The following OPCML variants were observed in gnomAD, a reference collection of about 807,000 sequenced individuals.
OPCML encodes opioid-binding protein/cell adhesion molecule.
In OPCML, 13 loss-of-function variants were observed where a neutral mutation model predicts 37.8. That is an observed-to-expected ratio of 0.34 (90% CI 0.22 to 0.55). OPCML has a LOEUF of 0.55. Among genes scored for constraint, OPCML ranks in the 20% least tolerant of loss-of-function variants. The pLI, the probability that OPCML is intolerant of heterozygous loss-of-function variation, is 0.91. For synonymous variants in OPCML, 176 were observed against 168.8 expected, an observed-to-expected ratio of 1.04 and a Z score of -0.33; for missense variants, 341 against 435.6, an observed-to-expected ratio of 0.78 and a Z score of 1.93.
At chr11:132,465,344 C>T (rs556498341) in intron 4 of OPCML, among the ~76,000 whole-genome samples, 1 of 152,256 alleles carries the variant, frequency 6.6e-6, no homozygotes, top group South Asian at 2.1e-4. Flanking sequence ...TGACCCTTTC[C>T]TTATTCACAA....
At chr11:133,428,630 C>T (rs1182449850) in intron 1 of OPCML, among the ~76,000 whole-genome samples, 1 of 152,012 alleles carries the variant, frequency 6.6e-6, no homozygotes, top group Non-Finnish European at 1.5e-5. Flanking sequence ...TTAAACAAGA[C>T]ACATGTAAGA....
intron 3 of OPCML, among the ~76,000 whole-genome samples, chr11:132,652,383 C>G (rs990272527): frequency 2.0e-5 from 3 of 150,192 alleles, no homozygotes; most frequent in African/African-American, 7.4e-5. Context: ...CACACACACA[C>G]ACAGAGAGAG....
intron 1 of OPCML, among the ~76,000 whole-genome samples, chr11:132,962,279 C>G (rs765734086): frequency 3.9e-5 from 6 of 152,230 alleles, no homozygotes; most frequent in African/African-American, 9.6e-5. Context: ...AGCACAGAAA[C>G]CAGCCCAATT....
At chr11:133,140,598 AAAG>A (rs1360539174) in intron 1 of OPCML, among the ~76,000 whole-genome samples, 2 of 148,028 alleles carry the variant, frequency 1.4e-5, no homozygotes, top group Non-Finnish European at 3.0e-5. Context: ...AAGAAAGAAG[AAAG>A]AAGAAAGAGA....
At chr11:132,625,506 G>T (rs1013297019) in intron 3 of OPCML, among the ~76,000 whole-genome samples, 1 of 152,128 alleles carries the variant, frequency 6.6e-6, no homozygotes, top group African/African-American at 2.4e-5. Flanking sequence ...TTATGCCTCT[G>T]CCAGAAACAG....
chr11:133,404,442 C>T (rs1945481079), intron 1 of OPCML, among the ~76,000 whole-genome samples: 1 of 152,212 alleles, frequency 6.6e-6, no homozygotes, highest in Admixed American at 6.5e-5. Flanking sequence ...ACACCGTGTG[C>T]CAGGCATGCC....
intron 4 of OPCML, among the ~76,000 whole-genome samples, chr11:132,509,108 G>A (rs1283968671): frequency 6.6e-6 from 1 of 152,146 alleles, no homozygotes; most frequent in Non-Finnish European, 1.5e-5. Flanking sequence ...TTGGGAAGTG[G>A]AGCAAAGGTG....
intron 2 of OPCML, among the ~76,000 whole-genome samples, chr11:132,852,620 A>AAG (rs756901337): frequency 2.0e-5 from 3 of 152,110 alleles, no homozygotes; most frequent in African/African-American, 7.2e-5. Flanking sequence ...AGAAAAAAAA[A>AAG]AGAGAGAGAG....
intron 1 of OPCML, among the ~76,000 whole-genome samples, chr11:133,013,682 G>T (rs1947263826): frequency 6.6e-6 from 1 of 152,168 alleles, no homozygotes; most frequent in Admixed American, 6.5e-5. Context: ...GTATAGTCAG[G>T]CTCTTCTGTA....
chr11:133,169,675 T>G (rs1317474467), intron 1 of OPCML, among the ~76,000 whole-genome samples: 2 of 152,148 alleles, frequency 1.3e-5, no homozygotes, highest in South Asian at 4.1e-4. Context: ...AGGTGACATA[T>G]TTTAATAGGG....
chr11:132,684,816 G>C (rs1943101112), intron 2 of OPCML, among the ~76,000 whole-genome samples: 1 of 152,178 alleles, frequency 6.6e-6, no homozygotes, highest in African/African-American at 2.4e-5. Context: ...GGTCACTGTT[G>C]TAAGATGATC....
intron 1 of OPCML, chr11:133,365,188 A>C (rs948806709): frequency 6.6e-6 from 1 of 152,212 alleles, no homozygotes; most frequent in African/African-American, 2.4e-5. Flanking sequence ...CTTGGAGACC[A>C]CACTGAGTCA....
At position 133,439,377 on chromosome 11, in the gene OPCML, G is replaced by C. The variant is rs148194358; in HGVS notation, c.61+92887C>G. 1,104 of 984,956 alleles carry C rather than the reference G, an allele frequency of 1.1e-3. 12 individuals are homozygous for C. The African/African-American group carries it at 0.017, about 15-fold the overall frequency. The allele number at this position is 984,956 out of a possible 1,614,324, so 61.0% of individuals were successfully genotyped here. A position where few individuals can be genotyped will look rare whatever the true frequency, so the allele number is the denominator to read the frequency against. On this transcript the variant is annotated intron_variant, in intron 1 of 7. Transcript: ENST00000524381. Reference sequence around the variant, plus strand: ...ACTCCACCATGCCACACCTAGATGAGTTTATAGGAAAAATTCCGTCTGTTT... The same window carrying C: ...ACTCCACCATGCCACACCTAGATGACTTTATAGGAAAAATTCCGTCTGTTT...
At chr11:132,912,029 G>A (rs1305103209) in intron 2 of OPCML, among the ~76,000 whole-genome samples, 1 of 152,102 alleles carries the variant, frequency 6.6e-6, no homozygotes, top group Non-Finnish European at 1.5e-5. Context: ...ACGCATCAGT[G>A]AGATTCTGGG....
chr11:133,389,348 G>A (rs112874299), intron 1 of OPCML, among the ~76,000 whole-genome samples: 2,371 of 152,282 alleles, frequency 0.016, 67 homozygotes, highest in African/African-American at 0.053. Flanking sequence ...GAAACAGGAG[G>A]GAGAATACAC....
intron 2 of OPCML, among the ~76,000 whole-genome samples, chr11:132,696,701 G>A (rs143134857): frequency 1.3e-3 from 198 of 152,076 alleles, no homozygotes; most frequent in African/African-American, 4.7e-3. Flanking sequence ...TATCAGATAG[G>A]AACTATTGTA....
intron 2 of OPCML, among the ~76,000 whole-genome samples, chr11:132,732,139 A>G (rs1455038321): frequency 1.3e-5 from 2 of 152,226 alleles, no homozygotes. Flanking sequence ...GAATGTTTAT[A>G]GGCAGACATA....
intron 2 of OPCML, among the ~76,000 whole-genome samples, chr11:132,827,427 T>C (rs538306175): frequency 3.9e-4 from 60 of 152,308 alleles, no homozygotes; most frequent in African/African-American, 1.3e-3. Context: ...GGCAAAGATA[T>C]GGAACAATAG....
At chr11:132,804,621 A>G (rs1334193040) in intron 2 of OPCML, among the ~76,000 whole-genome samples, 1 of 152,148 alleles carries the variant, frequency 6.6e-6, no homozygotes, top group East Asian at 1.9e-4. Flanking sequence ...GAGAGACCAA[A>G]ATGGTGGTCC....
Sources: allele counts gnomAD v4.1 joint callset (sites outside exome capture counted in the v4.1 genomes callset), GRCh38; gene constraint gnomAD v4.1.1; transcripts MANE v1.5; gene names NCBI Gene and HGNC (gene_info 2026-07-23, HGNC 2026-07-21).